UMPS: variants seen among roughly 807,000 people sequenced by gnomAD.
The protein encoded by UMPS is uridine 5'-monophosphate synthase.
A neutral mutation model predicts 38.9 loss-of-function variants in UMPS; 21 were observed. The observed-to-expected ratio is 0.54, with a 90% CI of 0.38 to 0.78. The LOEUF is 0.78. UMPS is among the 30% of genes least tolerant of loss of function. The pLI is 0.00. For synonymous variants in UMPS, 208 were observed against 219.3 expected (o/e 0.95, Z 0.45); for missense variants, 533 against 591.6 (o/e 0.90, Z 1.03).
In UMPS at chr3:124,747,822, A is replaced by T. The variant is rs1488596809; in HGVS notation, c.*3738A>T. 5 of 451,926 alleles carry T rather than the reference A, an allele frequency of 1.1e-5. No homozygotes were observed. The highest frequency in any genetic ancestry group is 2.2e-5 in the Non-Finnish European group (5 of 225,010). 28.0% of individuals were successfully genotyped at this position (451,926 alleles called of 1,614,324 possible). ...CTGCATCAGCGATCTCTCCCAGCGA[A>T]ATAGCTGCTTGGTCTTGTGTGAATC... On this transcript the variant is annotated 3_prime_UTR_variant, in exon 6 of 6. Coordinates refer to ENST00000232607, the MANE Select transcript of UMPS (RefSeq NM_000373.4).
Position 124,746,918 on chromosome 3 carries a change from C to T in UMPS, c.*2834C>T. On this transcript the variant is annotated 3_prime_UTR_variant, in exon 6 of 6. Coordinates refer to ENST00000232607, the MANE Select transcript of UMPS (RefSeq NM_000373.4). ...GGGATATGCTCAGTCTCACAGCCAG[C>T]CTGTGGATCTCAGTCCCAACACTCA... 1 of 453,888 alleles carries T rather than the reference C, an allele frequency of 2.2e-6. No individual in the cohort carries two copies. 28.1% of individuals were successfully genotyped at this position (453,888 alleles called of 1,614,324 possible).
Position 124,745,204 on chromosome 3 carries a change from G to T in UMPS, c.*1120G>T. On this transcript the variant is annotated 3_prime_UTR_variant, in exon 6 of 6. Transcript: ENST00000232607. ...AAAGCCCACATTCAAGGTGGTGTTT[G>T]AGCAGGGGCAGGGTGAGGGCTGTCC... The T allele has an allele frequency of 2.2e-6, 1 of 454,130 alleles. No homozygotes were observed. Among genetic ancestry groups the T allele is most frequent in the Non-Finnish European group, 4.4e-6 (1 of 226,796 alleles). 28.1% of individuals were successfully genotyped at this position (454,130 alleles called of 1,614,324 possible).
intron 4 of UMPS, among the ~76,000 whole-genome samples, chr3:124,740,670 A>G (rs566903500): frequency 1.3e-5 from 2 of 152,268 alleles, no homozygotes; most frequent in Non-Finnish European, 2.9e-5. Context: ...AAAAATTGCC[A>G]TAGGGGGCTG....
chr3:124,733,947 G>A (rs1259460955), intron 1 of UMPS, among the ~76,000 whole-genome samples: 1 of 152,158 alleles, frequency 6.6e-6, no homozygotes, highest in Non-Finnish European at 1.5e-5. Context: ...TGTGGACACA[G>A]TGGAGTGAAA....
chr3:124,738,536 A>T, intron 3 of UMPS: 1 of 378,870 alleles, frequency 2.6e-6, no homozygotes, highest in Non-Finnish European at 5.0e-6. Context: ...TTGCTCTGCA[A>T]CTGTGAGGTT....
chr3:124,732,677 T>G (rs377764603), intron 1 of UMPS, among the ~76,000 whole-genome samples: 3 of 152,342 alleles, frequency 2.0e-5, no homozygotes, highest in East Asian at 3.9e-4. Flanking sequence ...TAGAGAACAT[T>G]TCCATCATTG....
intron 1 of UMPS, chr3:124,731,462 C>A: frequency 2.4e-6 from 1 of 422,792 alleles, no homozygotes; most frequent in Non-Finnish European, 4.7e-6. Flanking sequence ...CAATGTATAG[C>A]TAATCAATCG....
chr3:124,742,436 T>G (rs973538793), intron 5 of UMPS, 170 bp downstream of exon 5: 10 of 627,140 alleles, frequency 1.6e-5, no homozygotes, highest in Non-Finnish European at 2.3e-5. Flanking sequence ...GTCAGTTTAC[T>G]TCTTTTAGTC....
intron 2 of UMPS, among the ~76,000 whole-genome samples, chr3:124,735,746 G>A (rs1454545180): frequency 6.6e-6 from 1 of 152,198 alleles, no homozygotes; most frequent in Non-Finnish European, 1.5e-5. Flanking sequence ...GGAGGCCGAG[G>A]TAGGCGGATC....
In UMPS at chr3:124,747,128, A is replaced by C; in HGVS notation, c.*3044A>C. ...CGCTCAAGTAGCTGGAACTACTCTC[A>C]AGTAGCTCTCAAGAGCCTCTCGAGT... On this transcript the variant is annotated 3_prime_UTR_variant, in exon 6 of 6. Transcript: ENST00000232607. 4.4e-6 allele frequency: 2 copies of C among 453,950 alleles called. No homozygotes were observed. The highest frequency in any genetic ancestry group is 3.1e-5 in the South Asian group (2 of 64,460). 28.1% of individuals were successfully genotyped at this position (453,950 alleles called of 1,614,324 possible). A position where few individuals can be genotyped will look rare whatever the true frequency, so the allele number is the denominator to read the frequency against.
At chr3:124,736,557 C>T (rs923416417) in intron 2 of UMPS, among the ~76,000 whole-genome samples, 9 of 152,126 alleles carry the variant, frequency 5.9e-5, no homozygotes, top group Non-Finnish European at 1.2e-4. Flanking sequence ...CCTGCCTCAT[C>T]CTCCCAAAGT....
At chr3:124,737,349 A>G (rs1404477544) in intron 2 of UMPS, 3 of 549,848 alleles carry the variant, frequency 5.5e-6, no homozygotes, top group East Asian at 3.1e-5. Flanking sequence ...TTGATTTACT[A>G]TAAATATACT....
intron 4 of UMPS, among the ~76,000 whole-genome samples, chr3:124,741,694 G>C (rs933050835): frequency 2.6e-5 from 4 of 152,126 alleles, no homozygotes; most frequent in African/African-American, 9.7e-5. Flanking sequence ...AGCATTATTA[G>C]AAATAAGAAA....
chr3:124,743,641 A>AAAATAAAT (rs201084171), intron 5 of UMPS, among the ~76,000 whole-genome samples: 13 of 151,012 alleles, frequency 8.6e-5, no homozygotes, highest in Non-Finnish European at 3.0e-5. Context: ...CCGTCTCAAA[A>AAAATAAAT]AAATAAATAA....
rs2063576689 is a variant in UMPS at position 124,743,933 on chromosome 3, A to C, written c.1292A>C (p.Gln431Pro). ...LEAGGDNLGQ[Q>P]YNSPQEVIGK... is the part of the protein sequence containing the mutation. Reference sequence around the variant, plus strand: ...CTTGCAGGAGATAATCTTGGCCAACAGTACAATAGCCCACAAGAAGTTATT... The same window carrying C: ...CTTGCAGGAGATAATCTTGGCCAACCGTACAATAGCCCACAAGAAGTTATT... Residue 431 changes from glutamine to proline, a missense_variant, in exon 6 of 6, where the codon CAG (glutamine) becomes CCG (proline). Coordinates refer to ENST00000232607, the MANE Select transcript of UMPS (RefSeq NM_000373.4). The C allele has an allele frequency of 6.2e-7, 1 of 1,614,210 alleles. No individual in the cohort carries two copies. The highest frequency in any genetic ancestry group is 8.5e-7 in the Non-Finnish European group (1 of 1,180,018).
At chr3:124,743,008 T>G (rs539441874) in intron 5 of UMPS, among the ~76,000 whole-genome samples, 10 of 152,254 alleles carry the variant, frequency 6.6e-5, no homozygotes, top group African/African-American at 2.4e-4. Context: ...GAATTTATGC[T>G]TCTGGAAAAA....
chr3:124,739,991 T>TCAG (rs1553748851), intron 3 of UMPS, 33 bp from the exon 4 acceptor site: 8 of 1,612,112 alleles, frequency 5.0e-6, no homozygotes, highest in Non-Finnish European at 6.8e-6. Context: ...TGTTTGAAAA[T>TCAG]CAGCAAATAT....
At chr3:124,743,726 A>C (rs2063573867) in intron 5 of UMPS, among the ~76,000 whole-genome samples, 189 bp from the exon 6 acceptor site, 1 of 152,236 alleles carries the variant, frequency 6.6e-6, no homozygotes, top group South Asian at 2.1e-4. Flanking sequence ...ATCTTTCTCC[A>C]TTTGACGTCT....
At chr3:124,736,687 G>C (rs2063520759) in intron 2 of UMPS, among the ~76,000 whole-genome samples, 1 of 152,058 alleles carries the variant, frequency 6.6e-6, no homozygotes, top group African/African-American at 2.4e-5. Context: ...TTTAAAAACT[G>C]TTTCTATGAA....
Sources: allele counts gnomAD v4.1 joint callset (sites outside exome capture counted in the v4.1 genomes callset), GRCh38; gene constraint gnomAD v4.1.1; transcripts MANE v1.5; gene names NCBI Gene and HGNC (gene_info 2026-07-23, HGNC 2026-07-21).